The following SMU1 variants were observed in gnomAD, a reference collection of about 807,000 sequenced individuals.
SMU1 encodes WD40 repeat-containing protein SMU1.
A neutral mutation model predicts 62.0 loss-of-function variants in SMU1; 2 were observed. That is an observed-to-expected ratio of 0.03 (90% confidence interval 0.01 to 0.10). SMU1 has a LOEUF of 0.10. Among genes scored for constraint, SMU1 ranks in the 10% least tolerant of loss-of-function variants. The probability of loss-of-function intolerance (pLI) is 1.00; values close to 1 mark genes in which losing one functional copy is unlikely to be tolerated. For missense variants in SMU1, 227 were observed against 622.1 expected (o/e 0.36, Z 6.76); for synonymous variants, 188 against 212.4 (o/e 0.89, Z 1.00).
intron 3 of SMU1, among the ~76,000 whole-genome samples, chr9:33,069,799 T>C (rs1166640463): frequency 6.7e-6 from 1 of 149,888 alleles, no homozygotes; most frequent in Non-Finnish European, 1.5e-5. Flanking sequence ...CAAGACTCTG[T>C]CTCAGAAAAA....
At chr9:33,060,838 G>A (rs527486256) in intron 5 of SMU1, among the ~76,000 whole-genome samples, 1 of 152,282 alleles carries the variant, frequency 6.6e-6, no homozygotes, top group South Asian at 2.1e-4. Context: ...CAAAGGAAAG[G>A]ACAAAAGCTA....
chr9:33,051,312 G>C (rs1457723563), intron 10 of SMU1, among the ~76,000 whole-genome samples: 1 of 152,136 alleles, frequency 6.6e-6, no homozygotes, highest in Non-Finnish European at 1.5e-5. Context: ...AAGTTAGTGG[G>C]GAAGGAGGAA....
At chr9:33,067,687 C>T (rs751339817) in intron 4 of SMU1, among the ~76,000 whole-genome samples, 16 of 151,692 alleles carry the variant, frequency 1.1e-4, no homozygotes, top group Admixed American at 2.0e-4. Context: ...TTAGTAGAGA[C>T]GGGGTTTCAC....
Position 33,068,871 on chromosome 9 carries a change from C to T in SMU1, c.454G>A (p.Glu152Lys), listed in dbSNP as rs747621759. ...CGAGATGGAGGCACCACACTGACTT[C>T]GCCAGCTAAGGCCTGGGCAATTGCT... Reference protein sequence around the residue: ...RAAIAQALAGEVSVVPPSRLM... With the variant: ...RAAIAQALAGKVSVVPPSRLM... Residue 152 changes from glutamate (E) to lysine (K), a missense_variant, in exon 4 of 12, where the codon GAA becomes AAA. By Grantham distance (56) the Glu-to-Lys change is moderately conservative. Transcript: ENST00000397149. The T allele has an allele frequency of 6.2e-7, 1 of 1,614,052 alleles. No individual in the cohort carries two copies. The highest frequency in any genetic ancestry group is 1.1e-5 in the South Asian group (1 of 91,070).
At position 33,076,638 on chromosome 9, in the gene SMU1, C is replaced by A; in HGVS notation, c.-30G>T. The A allele has an allele frequency of 2.5e-6, 4 of 1,613,810 alleles. No homozygotes were observed. Among genetic ancestry groups the A allele is most frequent in the African/African-American group, 2.7e-5 (2 of 75,066 alleles). The stretch of plus-strand genomic sequence containing the variant: ...GTATCTCTCCGGGAGCAGGCCCCAG[C>A]TCTCCCTCAAGGCCAGTCGCGCAAC... On this transcript the variant is annotated 5_prime_UTR_variant, in exon 1 of 12. Transcript: ENST00000397149.
At chr9:33,051,793 G>A (rs911753247) in intron 10 of SMU1, among the ~76,000 whole-genome samples, 1 of 152,060 alleles carries the variant, frequency 6.6e-6, no homozygotes, top group Admixed American at 6.6e-5. Context: ...AGTGGCTCAC[G>A]CCTGTAATCC....
chr9:33,057,037 A>G, intron 7 of SMU1, 73 bp from the exon 8 acceptor site: 5 of 1,504,380 alleles, frequency 3.3e-6, no homozygotes, highest in Non-Finnish European at 4.5e-6. Context: ...CACAGAGCCA[A>G]GCAAGATGCA....
intron 4 of SMU1, among the ~76,000 whole-genome samples, chr9:33,066,199 A>G (rs1157340613): frequency 2.0e-5 from 3 of 152,208 alleles, no homozygotes; most frequent in Non-Finnish European, 4.4e-5. Flanking sequence ...ACATATGGTC[A>G]GCAAAACAAA....
intron 6 of SMU1, among the ~76,000 whole-genome samples, chr9:33,059,512 C>G (rs1401406313): frequency 6.6e-6 from 1 of 151,556 alleles, no homozygotes; most frequent in Non-Finnish European, 1.5e-5. Flanking sequence ...ATCCCTTGAA[C>G]CCGGGAGGCG....
At position 33,059,121 on chromosome 9, in the gene SMU1, T is replaced by C. The variant is rs1160728302; in HGVS notation, c.750+1344A>G. 3.3e-5 allele frequency among the ~76,000 whole-genome samples: 5 copies of C among 152,140 alleles called. 1 individual carries two copies. The highest frequency in any genetic ancestry group is 7.3e-5 in the Non-Finnish European group (5 of 68,028). On this transcript the variant is annotated intron_variant, in intron 6 of 11. Transcript: ENST00000397149. ...AGATTGGAAATGATCTTAAATAAAA[T>C]GGGTGGTTAAATACATCATGGTTCA...
intron 1 of SMU1, 28 bp downstream of exon 1, chr9:33,076,555 G>A (rs1839548618): frequency 1.2e-6 from 2 of 1,613,168 alleles, no homozygotes; most frequent in African/African-American, 1.3e-5. Flanking sequence ...CCCCGGCAAG[G>A]CGCGAACATC....
intron 10 of SMU1, among the ~76,000 whole-genome samples, chr9:33,049,195 G>A (rs1387995319): frequency 1.3e-5 from 2 of 152,076 alleles, no homozygotes; most frequent in African/African-American, 4.8e-5. Context: ...AAAGTTGGAG[G>A]GCTCACAATA....
intron 4 of SMU1, 54 bp downstream of exon 4, chr9:33,068,770 G>T (rs12349669): frequency 6.3e-7 from 1 of 1,592,824 alleles, no homozygotes; most frequent in Admixed American, 1.7e-5. Context: ...CTCCCAAAGT[G>T]CAAGGATGAC....
At position 33,043,606 on chromosome 9, in the gene SMU1, C is replaced by G. The variant is rs1343342427; in HGVS notation, c.*3687G>C. On this transcript the variant is annotated 3_prime_UTR_variant, in exon 12 of 12. Transcript: ENST00000397149. Reference sequence around the variant, plus strand: ...CTCTCTACTCATCTCACTACCTGTGCTCTGCTTAGGTGAATGTGTTTGCAG... The same window carrying G: ...CTCTCTACTCATCTCACTACCTGTGGTCTGCTTAGGTGAATGTGTTTGCAG... 6.6e-6 allele frequency: 1 copy of G among 152,208 alleles called. No individual in the cohort carries two copies. Among genetic ancestry groups the G allele is most frequent in the African/African-American group, 2.4e-5 (1 of 41,454 alleles). 9.4% of individuals were successfully genotyped at this position (152,208 alleles called of 1,614,324 possible). A position where few individuals can be genotyped will look rare whatever the true frequency, so the allele number is the denominator to read the frequency against.
Position 33,058,584 on chromosome 9 carries a change from T to C in SMU1, c.751-870A>G, listed in dbSNP as rs1839328587. 2.0e-5 allele frequency among the ~76,000 whole-genome samples: 3 copies of C among 152,192 alleles called. 1 individual carries two copies. The South Asian group carries it at 6.2e-4, about 31-fold the overall frequency. On this transcript the variant is annotated intron_variant, in intron 6 of 11. Transcript: ENST00000397149. ...TATCAACTTCAGCCTCCCAAAGTGCTGGGATTACAGGTATGAGCCACTGCG... is the reference window on the plus strand; with the variant it reads ...TATCAACTTCAGCCTCCCAAAGTGCCGGGATTACAGGTATGAGCCACTGCG...
intron 10 of SMU1, among the ~76,000 whole-genome samples, chr9:33,049,764 C>CCACACACACACACA (rs61036431): frequency 0.05 from 7,464 of 148,400 alleles, 201 homozygotes; most frequent in Middle Eastern, 0.072. Context: ...GACCCCATTT[C>CCACACACACACACA]CACACACACA....
At chr9:33,052,387 G>A (rs1189557284) in intron 10 of SMU1, among the ~76,000 whole-genome samples, 1 of 152,200 alleles carries the variant, frequency 6.6e-6, no homozygotes, top group East Asian at 1.9e-4. Flanking sequence ...GTGCTCAGCA[G>A]ATGCACTGGG....
chr9:33,069,652 C>A (rs1267157695), intron 3 of SMU1, among the ~76,000 whole-genome samples: 7 of 151,936 alleles, frequency 4.6e-5, no homozygotes, highest in African/African-American at 1.7e-4. Context: ...AATAGAAAAA[C>A]TAGCCAGGCC....
intron 7 of SMU1, among the ~76,000 whole-genome samples, chr9:33,057,329 C>A (rs1839314224): frequency 6.6e-6 from 1 of 152,078 alleles, no homozygotes. Flanking sequence ...TTTTATACAG[C>A]AAGCCAGGGT....
Sources: gnomAD v4.1 joint callset for allele counts (sites outside exome capture counted in the v4.1 genomes callset) on GRCh38, gnomAD v4.1.1 for gene constraint, MANE v1.5 for transcripts, NCBI Gene and HGNC (gene_info 2026-07-23, HGNC 2026-07-21) for gene names.